Variants in NCKAP1 observed in about 807,000 individuals in gnomAD.
The protein encoded by NCKAP1 is nck-associated protein 1.
In NCKAP1, 21 loss-of-function variants were observed where a neutral mutation model predicts 151.2. That is an observed-to-expected ratio of 0.14 (90% CI 0.10 to 0.20). The LOEUF is 0.20. Among genes scored for constraint, NCKAP1 ranks in the 10% least tolerant of loss-of-function variants. The pLI is 1.00. For synonymous variants in NCKAP1, 484 were observed against 451.8 expected, an observed-to-expected ratio of 1.07 and a Z score of -0.90; for missense variants, 933 against 1,352.1, an observed-to-expected ratio of 0.69 and a Z score of 4.86.
chr2:182,953,029 G>A, intron 21 of NCKAP1, 84 bp downstream of exon 21: 2 of 1,478,946 alleles, frequency 1.4e-6, no homozygotes, highest in African/African-American at 1.4e-5. Context: ...ATATGAATAA[G>A]TACTTATTCA....
intron 11 of NCKAP1, 91 bp downstream of exon 11, chr2:182,983,195 C>T: frequency 1.9e-6 from 2 of 1,039,386 alleles, no homozygotes; most frequent in Non-Finnish European, 2.8e-6. Flanking sequence ...TTATGTAGTC[C>T]CTGACTCAAA....
At chr2:182,937,114 CAAAAAAAAAA>C (rs67087110) in intron 24 of NCKAP1, among the ~76,000 whole-genome samples, 33 of 80,838 alleles carry the variant, frequency 4.1e-4, no homozygotes, top group African/African-American at 1.5e-3. Flanking sequence ...GACTGTCTCA[CAAAAAAAAAA>C]AAAAAAAAAA....
intron 28 of NCKAP1, 94 bp from the exon 29 acceptor site, chr2:182,928,320 G>A (rs186181489): frequency 2.4e-6 from 2 of 824,970 alleles, no homozygotes; most frequent in Non-Finnish European, 3.9e-6. Flanking sequence ...GCATAAATAG[G>A]GGCATAATTA....
At chr2:182,988,574 A>G (rs1320515912) in intron 9 of NCKAP1, among the ~76,000 whole-genome samples, 1 of 152,210 alleles carries the variant, frequency 6.6e-6, no homozygotes, top group Non-Finnish European at 1.5e-5. Context: ...TATTTAAATA[A>G]AAACAACATG....
At chr2:182,995,427 C>T (rs1369974648) in intron 7 of NCKAP1, among the ~76,000 whole-genome samples, 2 of 152,070 alleles carry the variant, frequency 1.3e-5, no homozygotes, top group South Asian at 2.1e-4. Context: ...TTGCTTTATA[C>T]TTCAAATTTT....
intron 17 of NCKAP1, among the ~76,000 whole-genome samples, chr2:182,963,527 G>T (rs1047783176): frequency 2.6e-5 from 4 of 152,098 alleles, no homozygotes; most frequent in Non-Finnish European, 5.9e-5. Flanking sequence ...TAAAGTTTAG[G>T]AGAACAATGG....
chr2:182,956,335 C>A, intron 20 of NCKAP1, 127 bp downstream of exon 20: 2 of 1,233,024 alleles, frequency 1.6e-6, no homozygotes, highest in Non-Finnish European at 1.1e-6. Context: ...CCACCACGCC[C>A]GGCCCGGTTC....
chr2:182,953,381 A>G, intron 20 of NCKAP1, 50 bp from the exon 21 acceptor site: 4 of 1,347,504 alleles, frequency 3.0e-6, no homozygotes, highest in Non-Finnish European at 4.1e-6. Context: ...TTTTCCATTC[A>G]TGTAAAATAA....
chr2:182,916,257 TC>T lies in NCKAP1; in HGVS notation c.*9444del, dbSNP rs1237986506. 6.6e-6 allele frequency: 1 copy of T among 150,700 alleles called. No homozygotes were observed. Among genetic ancestry groups the T allele is most frequent in the East Asian group, 2.0e-4 (1 of 5,096 alleles). 9.3% of individuals were successfully genotyped at this position (150,700 alleles called of 1,614,324 possible). A position where few individuals can be genotyped will look rare whatever the true frequency, so the allele number is the denominator to read the frequency against. On this transcript the variant is annotated 3_prime_UTR_variant, in exon 31 of 31. Transcript: ENST00000361354. ...GTAGAAATCCCCAGCTGCCTGTATCTCTGATGCTTCTCCACAGGAACAAAAA... is the reference window on the plus strand; with the variant it reads ...GTAGAAATCCCCAGCTGCCTGTATCTTGATGCTTCTCCACAGGAACAAAAA...
At chr2:182,948,354 T>C (rs1408766371) in intron 23 of NCKAP1, among the ~76,000 whole-genome samples, 2 of 152,234 alleles carry the variant, frequency 1.3e-5, no homozygotes, top group Middle Eastern at 3.4e-3. Context: ...TGTTTTAACA[T>C]CCTTAACCAT....
rs1480269466 is a variant in NCKAP1, at chr2:182,920,127, C to T, written c.*5575G>A. The T allele has an allele frequency of 6.6e-6, 1 of 152,106 alleles. No homozygotes were observed. Among genetic ancestry groups the T allele is most frequent in the African/African-American group, 2.4e-5 (1 of 41,400 alleles). 9.4% of individuals were successfully genotyped at this position (152,106 alleles called of 1,614,324 possible). On this transcript the variant is annotated 3_prime_UTR_variant, in exon 31 of 31. Coordinates refer to ENST00000361354, the MANE Select transcript of NCKAP1 (RefSeq NM_013436.5). ...GGACTACAGGTGTACACAATCACAC[C>T]CGGCTTTTTCATTTTTGTATTTTTT...
intron 2 of NCKAP1, among the ~76,000 whole-genome samples, chr2:183,008,712 TAAATGA>T (rs542182071): frequency 1.1e-3 from 174 of 152,330 alleles, no homozygotes; most frequent in African/African-American, 4.0e-3. Flanking sequence ...TTGCTAGCCA[TAAATGA>T]ATTTGACAGT....
rs1696658900 is a variant in NCKAP1, at chr2:182,926,864, A to T, written c.3222T>A (p.Asp1074Glu). 8.7e-6 allele frequency: 14 copies of T among 1,606,972 alleles called. No homozygotes were observed. Among genetic ancestry groups the T allele is most frequent in the Non-Finnish European group, 1.2e-5 (14 of 1,175,464 alleles). ...ATTCTCTATTTCTTGTTGTAGTTTTATCTGTCTCCTGGCCAATTTTCAGTA... is the reference window on the plus strand; with the variant it reads ...ATTCTCTATTTCTTGTTGTAGTTTTTTCTGTCTCCTGGCCAATTTTCAGTA... ...SSLLKIGQET[D>E]KTTTRNRESV... is the part of the protein sequence containing the mutation. The change falls in exon 30 of 31, where the codon GAT becomes GAA. Residue 1074 changes from aspartate to glutamate, a missense_variant. By Grantham distance (45) the Asp-to-Glu change is conservative (BLOSUM62 2). Coordinates refer to ENST00000361354, the MANE Select transcript of NCKAP1 (RefSeq NM_013436.5).
At chr2:183,018,433 G>A (rs1243730942) in intron 2 of NCKAP1, among the ~76,000 whole-genome samples, 1 of 152,094 alleles carries the variant, frequency 6.6e-6, no homozygotes, top group Admixed American at 6.5e-5. Flanking sequence ...CCCTCTTAAA[G>A]ACAAGTTAAG....
At chr2:182,958,108 A>T (rs1431589659) in intron 18 of NCKAP1, among the ~76,000 whole-genome samples, 1 of 152,120 alleles carries the variant, frequency 6.6e-6, no homozygotes, top group Non-Finnish European at 1.5e-5. Flanking sequence ...AGACAGCGAC[A>T]ATTTTTTAAA....
intron 18 of NCKAP1, 125 bp from the exon 19 acceptor site, chr2:182,957,721 A>C (rs1270107524): frequency 2.8e-6 from 3 of 1,058,830 alleles, no homozygotes; most frequent in African/African-American, 1.6e-5. Context: ...TAAAAGACAG[A>C]AATATAAGTG....
chr2:183,022,808 T>C (rs1445487238), intron 2 of NCKAP1: 1 of 152,208 alleles, frequency 6.6e-6, no homozygotes, highest in East Asian at 1.9e-4. Flanking sequence ...AAATCTTCAA[T>C]GAACATACAT....
chr2:183,032,939 A>C (rs902388800), intron 1 of NCKAP1, among the ~76,000 whole-genome samples: 1 of 152,160 alleles, frequency 6.6e-6, no homozygotes, highest in Non-Finnish European at 1.5e-5. Context: ...AGTCCCAGCT[A>C]CTCAGAAGGC....
rs1468161542 is a variant in NCKAP1, at chr2:182,916,799, T to C, written c.*8903A>G. 6.6e-6 allele frequency: 1 copy of C among 152,228 alleles called. No homozygotes were observed. The highest frequency in any genetic ancestry group is 2.4e-5 in the African/African-American group (1 of 41,464). 9.4% of individuals were successfully genotyped at this position (152,228 alleles called of 1,614,324 possible). A position where few individuals can be genotyped will look rare whatever the true frequency, so the allele number is the denominator to read the frequency against. ...TAGTATATAAAAATATAGTATAACA[T>C]ACATATAGTATAGAGCAGTCTTAAA... On this transcript the variant is annotated 3_prime_UTR_variant, in exon 31 of 31. Coordinates refer to ENST00000361354, the MANE Select transcript of NCKAP1 (RefSeq NM_013436.5).
Sources: allele counts gnomAD v4.1 joint callset (sites outside exome capture counted in the v4.1 genomes callset), GRCh38; gene constraint gnomAD v4.1.1; transcripts MANE v1.5; gene names NCBI Gene and HGNC (gene_info 2026-07-23, HGNC 2026-07-21).